Variants in OSBPL1A observed in about 807,000 individuals in gnomAD.
The protein encoded by OSBPL1A is oxysterol-binding protein-related protein 1.
OSBPL1A carries 80 observed loss-of-function variants against 137.1 expected under a neutral mutation model. The observed-to-expected ratio is 0.58, with a 90% CI of 0.49 to 0.70. The LOEUF is 0.70. Ranked by LOEUF, OSBPL1A falls within the 30% of genes least tolerant of loss-of-function variation. The pLI is 0.00. For synonymous variants in OSBPL1A, 365 were observed against 389.7 expected (o/e 0.94, Z 0.75); for missense variants, 970 against 1,129.4 (o/e 0.86, Z 2.02).
At chr18:24,233,344 T>C (rs1250843077) in intron 16 of OSBPL1A, among the ~76,000 whole-genome samples, 3 of 152,152 alleles carry the variant, frequency 2.0e-5, no homozygotes, top group Non-Finnish European at 4.4e-5. Flanking sequence ...GGAACAAATG[T>C]CATTTTCTAA....
At chr18:24,274,117 C>T (rs1048767724) in intron 15 of OSBPL1A, among the ~76,000 whole-genome samples, 1 of 151,630 alleles carries the variant, frequency 6.6e-6, no homozygotes, top group South Asian at 2.1e-4. Flanking sequence ...GCCTGTAATC[C>T]CAGCTACTCA....
At chr18:24,204,220 T>C (rs528747120) in intron 17 of OSBPL1A, among the ~76,000 whole-genome samples, 2 of 152,350 alleles carry the variant, frequency 1.3e-5, no homozygotes, top group South Asian at 4.1e-4. Flanking sequence ...CTTGTCCTTT[T>C]AGGTTTTGGG....
At chr18:24,341,436 G>A in intron 5 of OSBPL1A, 111 bp downstream of exon 5, 1 of 687,442 alleles carries the variant, frequency 1.5e-6, no homozygotes, top group Non-Finnish European at 2.6e-6. Context: ...TATCATTAGA[G>A]CATCAGCTGG....
At chr18:24,202,820 T>C (rs1386580655) in intron 17 of OSBPL1A, among the ~76,000 whole-genome samples, 2 of 152,214 alleles carry the variant, frequency 1.3e-5, no homozygotes, top group Non-Finnish European at 2.9e-5. Flanking sequence ...TTCACAACGC[T>C]TGGTAATCTT....
rs1009291776 is a variant in OSBPL1A at position 24,162,880 on chromosome 18, T to A, written c.*299A>T. On this transcript the variant is annotated 3_prime_UTR_variant, in exon 28 of 28. Transcript: ENST00000319481. The stretch of plus-strand genomic sequence containing the variant: ...CTAAAGTTACATTTAGGTATAAACC[T>A]TCAGTAAATATGGCAACAGCAACCA... 1 of 223,656 alleles carries A rather than the reference T, an allele frequency of 4.5e-6. No homozygotes were observed. The highest frequency in any genetic ancestry group is 2.4e-5 in the African/African-American group (1 of 42,504). The allele number at this position is 223,656 out of a possible 1,614,324, so 13.9% of individuals were successfully genotyped here.
chr18:24,211,663 TAAAAAAA>T (rs55928349), intron 17 of OSBPL1A, among the ~76,000 whole-genome samples: 6 of 144,216 alleles, frequency 4.2e-5, no homozygotes, highest in African/African-American at 1.5e-4. Context: ...ACAAGGCAGT[TAAAAAAA>T]AAAAAAAATT....
chr18:24,209,764 G>A (rs530197196), intron 17 of OSBPL1A, among the ~76,000 whole-genome samples: 1 of 152,202 alleles, frequency 6.6e-6, no homozygotes, highest in Non-Finnish European at 1.5e-5. Context: ...AGTGACTAAC[G>A]CCACATTCAA....
At chr18:24,218,322 T>C (rs1192712383) in intron 17 of OSBPL1A, 1 of 152,226 alleles carries the variant, frequency 6.6e-6, no homozygotes, top group Non-Finnish European at 1.5e-5. Flanking sequence ...GCAACACATA[T>C]ACTAAACATT....
In OSBPL1A at chr18:24,256,964, C is replaced by CAAAAAA. The variant is rs201880387; in HGVS notation, c.1282-17588_1282-17583dup. Among the ~76,000 whole-genome samples, 24 of 29,514 alleles carry CAAAAAA rather than the reference C, an allele frequency of 8.1e-4. 4 individuals carry two copies. The highest frequency in any genetic ancestry group is 2.0e-3 in the Admixed American group (3 of 1,484). 19.4% of individuals were successfully genotyped at this position (29,514 alleles called of 152,430 possible). A position where few individuals can be genotyped will look rare whatever the true frequency, so the allele number is the denominator to read the frequency against. ...GCTGATGAAAGAACTGAAGAGGATG[C>CAAAAAA]AAAAAAAAAAAAAAAAAAAAAAAAA... is the stretch of plus-strand genomic sequence containing the variant. On this transcript the variant is annotated intron_variant, in intron 15 of 27. Transcript: ENST00000319481.
intron 17 of OSBPL1A, among the ~76,000 whole-genome samples, chr18:24,199,446 T>C (rs7241943): frequency 0.016 from 2,362 of 151,994 alleles, 83 homozygotes; most frequent in African/African-American, 0.054. Context: ...ACAGCACTGA[T>C]TGACGTGACA....
At chr18:24,316,452 A>G (rs988989329) in intron 11 of OSBPL1A, among the ~76,000 whole-genome samples, 1 of 152,216 alleles carries the variant, frequency 6.6e-6, no homozygotes, top group Non-Finnish European at 1.5e-5. Context: ...CATATAGGCT[A>G]AAAGCAAATG....
At chr18:24,199,993 G>A (rs1162115172) in intron 17 of OSBPL1A, among the ~76,000 whole-genome samples, 1 of 152,168 alleles carries the variant, frequency 6.6e-6, no homozygotes, top group Non-Finnish European at 1.5e-5. Context: ...CTCAAATTCT[G>A]TAGTAGCCAC....
chr18:24,283,281 A>AAAAAAAAAT (rs1246058393), intron 14 of OSBPL1A, among the ~76,000 whole-genome samples: 18 of 78,362 alleles, frequency 2.3e-4, no homozygotes, highest in African/African-American at 3.2e-4. Flanking sequence ...AAAAAAAAAA[A>AAAAAAAAAT]ATATATATAT....
chr18:24,264,439 A>AT (rs1466064126), intron 15 of OSBPL1A, among the ~76,000 whole-genome samples: 2 of 152,198 alleles, frequency 1.3e-5, no homozygotes, highest in African/African-American at 4.8e-5. Context: ...CCAACTTATA[A>AT]TTCAGTGAGG....
intron 15 of OSBPL1A, among the ~76,000 whole-genome samples, chr18:24,256,062 TGAG>T (rs2089265318): frequency 6.6e-6 from 1 of 152,198 alleles, no homozygotes; most frequent in African/African-American, 2.4e-5. Flanking sequence ...CCCAAAGTGC[TGAG>T]ATTACAGGCG....
chr18:24,228,463 C>T (rs1567960474), intron 16 of OSBPL1A, among the ~76,000 whole-genome samples: 1 of 152,200 alleles, frequency 6.6e-6, no homozygotes, highest in East Asian at 1.9e-4. Context: ...GACTCATCCA[C>T]CACATCTGAT....
chr18:24,345,970 T>G (rs1351324050), intron 4 of OSBPL1A, among the ~76,000 whole-genome samples: 1 of 152,204 alleles, frequency 6.6e-6, no homozygotes, highest in Non-Finnish European at 1.5e-5. Flanking sequence ...ATAAAGATGT[T>G]TTACTGAAAA....
At chr18:24,194,914 T>C (rs1296376120) in intron 18 of OSBPL1A, among the ~76,000 whole-genome samples, 2 of 152,210 alleles carry the variant, frequency 1.3e-5, no homozygotes, top group Non-Finnish European at 2.9e-5. Flanking sequence ...AAAATATTTG[T>C]TTAAAATTAA....
At chr18:24,269,366 C>CT (rs2089659891) in intron 15 of OSBPL1A, among the ~76,000 whole-genome samples, 1 of 152,314 alleles carries the variant, frequency 6.6e-6, no homozygotes, top group African/African-American at 2.4e-5. Context: ...CCATTCCGGT[C>CT]TTAACGATTT....
Sources: gnomAD v4.1 joint callset for allele counts (sites outside exome capture counted in the v4.1 genomes callset) on GRCh38, gnomAD v4.1.1 for gene constraint, MANE v1.5 for transcripts, NCBI Gene and HGNC (gene_info 2026-07-23, HGNC 2026-07-21) for gene names.